The following SH3PXD2A variants were observed in gnomAD, a reference collection of about 807,000 sequenced individuals.
SH3PXD2A encodes SH3 and PX domains 2A.
In SH3PXD2A, 32 loss-of-function variants were observed where a neutral mutation model predicts 115.2. That is an observed-to-expected ratio of 0.28 (90% CI 0.21 to 0.37). SH3PXD2A has a LOEUF of 0.37. SH3PXD2A is among the 10% of genes least tolerant of loss of function. SH3PXD2A has a pLI of 1.00. For missense variants in SH3PXD2A, 1,328 were observed against 1,498.7 expected, an observed-to-expected ratio of 0.89 and a Z score of 1.88; for synonymous variants, 610 against 629.1, an observed-to-expected ratio of 0.97 and a Z score of 0.45.
chr10:103,806,164 C>T (rs553092676), intron 1 of SH3PXD2A, among the ~76,000 whole-genome samples: 32 of 152,264 alleles, frequency 2.1e-4, no homozygotes, highest in African/African-American at 7.2e-4. Flanking sequence ...GCCCCCATTC[C>T]CAGGTTCTCC....
chr10:103,815,648 G>A (rs569339352), intron 1 of SH3PXD2A, among the ~76,000 whole-genome samples: 29 of 151,714 alleles, frequency 1.9e-4, no homozygotes, highest in East Asian at 5.8e-4. Context: ...CCCAGCACTC[G>A]GGGAGGCCGA....
intron 2 of SH3PXD2A, among the ~76,000 whole-genome samples, chr10:103,772,446 T>A (rs1471533361): frequency 6.6e-6 from 1 of 152,176 alleles, no homozygotes; most frequent in East Asian, 1.9e-4. Context: ...AAGCAGATTC[T>A]CCTGTCACTC....
chr10:103,826,042 C>G (rs1000458843), intron 1 of SH3PXD2A, among the ~76,000 whole-genome samples: 12 of 152,150 alleles, frequency 7.9e-5, no homozygotes, highest in African/African-American at 2.7e-4. Context: ...GGATTACAGG[C>G]GTGAGCCACC....
intron 1 of SH3PXD2A, among the ~76,000 whole-genome samples, chr10:103,825,559 C>T (rs1347964356): frequency 4.6e-5 from 7 of 152,310 alleles, no homozygotes; most frequent in African/African-American, 1.7e-4. Flanking sequence ...TCTCCTTCCT[C>T]CCTGGTCACC....
intron 8 of SH3PXD2A, among the ~76,000 whole-genome samples, chr10:103,655,001 T>C (rs1358510836): frequency 6.6e-6 from 1 of 152,252 alleles, no homozygotes; most frequent in East Asian, 1.9e-4. Context: ...CCTCTGCTCC[T>C]GGCTTTATGC....
At chr10:103,749,519 G>A (rs993749103) in intron 3 of SH3PXD2A, among the ~76,000 whole-genome samples, 2 of 152,166 alleles carry the variant, frequency 1.3e-5, no homozygotes, top group Non-Finnish European at 1.5e-5. Context: ...CAACTCAGCT[G>A]TCTTTCCTGC....
intron 3 of SH3PXD2A, among the ~76,000 whole-genome samples, chr10:103,759,042 A>C (rs1215700839): frequency 1.3e-5 from 2 of 152,072 alleles, no homozygotes; most frequent in East Asian, 3.9e-4. Flanking sequence ...ACACACAGAC[A>C]CCTATAGCCC....
chr10:103,692,096 C>T (rs116009955), intron 6 of SH3PXD2A, among the ~76,000 whole-genome samples: 1 of 152,146 alleles, frequency 6.6e-6, no homozygotes, highest in Admixed American at 6.5e-5. Flanking sequence ...GTACAGCCAC[C>T]CTGTCAATAT....
intron 1 of SH3PXD2A, among the ~76,000 whole-genome samples, chr10:103,820,334 T>C (rs2039365293): frequency 6.6e-6 from 1 of 152,034 alleles, no homozygotes; most frequent in Non-Finnish European, 1.5e-5. Context: ...CAGGACGTCA[T>C]TTGCTCCCAG....
chr10:103,605,733 G>A, intron 14 of SH3PXD2A, 65 bp downstream of exon 14: 1 of 1,605,078 alleles, frequency 6.2e-7, no homozygotes, highest in Non-Finnish European at 8.5e-7. Flanking sequence ...GGCCTAAAAT[G>A]GGAAATGCAG....
chr10:103,639,311 A>G (rs2036913223), intron 8 of SH3PXD2A, among the ~76,000 whole-genome samples: 1 of 152,324 alleles, frequency 6.6e-6, no homozygotes, highest in East Asian at 1.9e-4. Context: ...ATTATTCCAG[A>G]TGAAAATGAG....
intron 4 of SH3PXD2A, among the ~76,000 whole-genome samples, chr10:103,728,918 A>G (rs2038280139): frequency 6.9e-6 from 1 of 144,162 alleles, no homozygotes; most frequent in South Asian, 2.1e-4. Flanking sequence ...TTTGAGACAA[A>G]GTCTCACTCT....
rs771190727 is a variant in SH3PXD2A, at chr10:103,719,705, CT to C, written c.398+4564del. Among the ~76,000 whole-genome samples, 261 of 136,436 alleles carry C rather than the reference CT, an allele frequency of 1.9e-3. 1 individual carries two copies. The highest frequency in any genetic ancestry group is 5.0e-3 in the African/African-American group (183 of 36,574). The allele number at this position is 136,436 out of a possible 152,430, so 89.5% of individuals were successfully genotyped here. ...TTCTTACACTAGGTAATTTCTTTTT[CT>C]TTTTTTTTTTCTTTCTTTTTTTTTT... On this transcript the variant is annotated intron_variant, in intron 5 of 14. Transcript: ENST00000369774.
At position 103,693,079 on chromosome 10, in the gene SH3PXD2A, T is replaced by C. The variant is rs761612147; in HGVS notation, c.399-23A>G. 7 of 1,611,138 alleles carry C rather than the reference T, an allele frequency of 4.3e-6. No homozygotes were observed. In the East Asian group the frequency reaches 1.1e-4, roughly 26 times the overall value. Reference sequence around the variant, plus strand: ...TCCCTGAAAAAGAAGCAACAACAGATAGACATGGTTAGGGCCGGGCGCGAG... The same window carrying C: ...TCCCTGAAAAAGAAGCAACAACAGACAGACATGGTTAGGGCCGGGCGCGAG... On this transcript the variant is annotated intron_variant, in intron 5 of 14. Transcript: ENST00000369774.
intron 2 of SH3PXD2A, among the ~76,000 whole-genome samples, chr10:103,771,193 G>A (rs1366128217): frequency 6.6e-6 from 1 of 152,204 alleles, no homozygotes; most frequent in Non-Finnish European, 1.5e-5. Context: ...CCTCACCCAA[G>A]GTGCTATATC....
intron 11 of SH3PXD2A, among the ~76,000 whole-genome samples, chr10:103,613,951 T>C (rs2036469424): frequency 6.6e-6 from 1 of 152,122 alleles, no homozygotes; most frequent in South Asian, 2.1e-4. Context: ...GGAACAAAGA[T>C]GCATTATTCA....
At chr10:103,722,085 C>T (rs368258015) in intron 5 of SH3PXD2A, among the ~76,000 whole-genome samples, 7 of 151,922 alleles carry the variant, frequency 4.6e-5, no homozygotes, top group African/African-American at 1.7e-4. Flanking sequence ...GGTGGATCCA[C>T]TTGAACTCAG....
At position 103,617,298 on chromosome 10, in the gene SH3PXD2A, G is replaced by C. The variant is rs772755005; in HGVS notation, c.819C>G (p.Thr273=). The change falls in exon 11 of 15, where the codon ACC becomes ACG. Residue 273 remains threonine, a synonymous_variant. Transcript: ENST00000369774. The part of the protein sequence containing the change: ...RQHSREEKYV[T]VQPYTSQSKD... ...TGCTTTGGCTGGTGTAAGGCTGCAC[G>C]GTGACATACTTCTCCTCTGGGGGTG... The C allele has an allele frequency of 6.2e-7, 1 of 1,613,556 alleles. No homozygotes were observed. Among genetic ancestry groups the C allele is most frequent in the South Asian group, 1.1e-5 (1 of 91,074 alleles).
chr10:103,747,873 C>T (rs1589439235), intron 3 of SH3PXD2A, among the ~76,000 whole-genome samples: 1 of 152,180 alleles, frequency 6.6e-6, no homozygotes, highest in East Asian at 1.9e-4. Flanking sequence ...TGGTCTTGAA[C>T]TCCTGGGCTC....
Sources: allele counts gnomAD v4.1 joint callset (sites outside exome capture counted in the v4.1 genomes callset), GRCh38; gene constraint gnomAD v4.1.1; transcripts MANE v1.5; gene names NCBI Gene and HGNC (gene_info 2026-07-23, HGNC 2026-07-21).